The following SACS variants were observed in gnomAD, a reference collection of about 807,000 sequenced individuals.
SACS encodes the protein sacsin molecular chaperone, also known as sacsin.
SACS carries 197 observed loss-of-function variants against 348.0 expected under a neutral mutation model. The observed-to-expected ratio is 0.57, with a 90% CI of 0.50 to 0.64. The LOEUF (loss-of-function observed/expected upper bound fraction) is 0.64, where lower values mean the gene tolerates loss of function less well. Among genes scored for constraint, SACS ranks in the 30% least tolerant of loss-of-function variants. SACS has a pLI of 0.00. For synonymous variants in SACS, 1,985 were observed against 1,910.6 expected, an observed-to-expected ratio of 1.04 and a Z score of -1.02; for missense variants, 4,999 against 5,360.8, an observed-to-expected ratio of 0.93 and a Z score of 2.11.
chr13:23,395,541 G>T (rs575961876), intron 2 of SACS, among the ~76,000 whole-genome samples: 3 of 151,976 alleles, frequency 2.0e-5, no homozygotes, highest in African/African-American at 7.2e-5. Context: ...CCATCCACCT[G>T]TCCACTTCTG....
rs749017727 is a variant in SACS at position 23,333,415 on chromosome 13, A to T, written c.10461T>A (p.Asn3487Lys). The T allele has an allele frequency of 2.5e-6, 4 of 1,609,886 alleles. No homozygotes were observed. In the East Asian group the frequency reaches 8.9e-5, roughly 36 times the overall value. ...GCTCTAATTTTGCATCATAAGAGAG[A>T]TTTTCAATTTTTGGTAAGAGGTGTT... ...YLKHLLPKIE[N>K]LSYDAKLEHL... is the part of the protein sequence containing the mutation. The change falls in exon 10 of 10, where the codon AAT becomes AAA. Residue 3487 changes from asparagine to lysine, a missense_variant. Physicochemically the swap from Asn to Lys is moderately conservative, Grantham distance 94 (BLOSUM62 0). Coordinates refer to ENST00000382292, the MANE Select transcript of SACS (RefSeq NM_014363.6).
At chr13:23,397,165 G>C (rs778415493) in intron 2 of SACS, among the ~76,000 whole-genome samples, 1 of 152,056 alleles carries the variant, frequency 6.6e-6, no homozygotes, top group Non-Finnish European at 1.5e-5. Flanking sequence ...AAAAAGGTTG[G>C]TAATGGTTAA....
At position 23,330,400 on chromosome 13, in the gene SACS, C is replaced by T. The variant is rs370362235; in HGVS notation, c.13476G>A (p.Val4492=). The part of the protein sequence containing the change: ...KLALIAADYA[V]RGKSDKDVKP... ...TTACATCTTTATCAGACTTTCCCCT[C>T]ACAGCATAGTCAGCTGCAATCAAAG... The change falls in exon 10 of 10, where the codon GTG becomes GTA. Residue 4492 remains valine (V), a synonymous_variant. Transcript: ENST00000382292. 6.2e-7 allele frequency: 1 copy of T among 1,614,192 alleles called. No individual in the cohort carries two copies.
In SACS at chr13:23,331,961, C is replaced by T. The variant is rs138442606; in HGVS notation, c.11915G>A (p.Arg3972Gln). The change falls in exon 10 of 10, where the codon CGA (arginine) becomes CAA (glutamine). Residue 3972 changes from arginine (R) to glutamine (Q), a missense_variant. By Grantham distance (43) the Arg-to-Gln change is conservative. Coordinates refer to ENST00000382292, the MANE Select transcript of SACS (RefSeq NM_014363.6). ...IMLFPQKLRP[R>Q]LLSSILEEQL... ...TTCTTCAAGTATACTGCTCAATAAT[C>T]GAGGTCTAAGTTTTTGAGGAAAGAG... The T allele has an allele frequency of 1.9e-6, 3 of 1,613,918 alleles. No individual in the cohort carries two copies. The highest frequency in any genetic ancestry group is 2.7e-5 in the African/African-American group (2 of 74,910).
intron 4 of SACS, among the ~76,000 whole-genome samples, chr13:23,368,978 C>T (rs189954630): frequency 0.012 from 1,757 of 152,212 alleles, 66 homozygotes; most frequent in Admixed American, 0.079. Context: ...GGATTCCAGG[C>T]GTGAGCCACC....
At position 23,336,410 on chromosome 13, in the gene SACS, G is replaced by T. The variant is rs766553685; in HGVS notation, c.7466C>A (p.Pro2489His). 11 of 1,613,822 alleles carry T rather than the reference G, an allele frequency of 6.8e-6. No homozygotes were observed. The East Asian group carries it at 2.5e-4, about 36-fold the overall frequency. Residue 2489 changes from proline (P) to histidine (H), a missense_variant, in exon 10 of 10, where the codon CCC becomes CAC. Transcript: ENST00000382292. ...TTVKYCHADIPREVAVKLGAV... is the reference protein window; with the variant it reads ...TTVKYCHADIHREVAVKLGAV... ...TCCTAGTTTTACTGCTACTTCCCTG[G>T]GTATGTCAGCATGACAATATTTTAC...
chr13:23,370,614 T>A (rs1230879444), intron 4 of SACS, among the ~76,000 whole-genome samples: 2 of 152,240 alleles, frequency 1.3e-5, no homozygotes, highest in East Asian at 3.9e-4. Context: ...GACACCCCAT[T>A]TCTCCCTGCC....
At position 23,355,184 on chromosome 13, in the gene SACS, G is replaced by A. The variant is rs1870274256; in HGVS notation, c.1428C>T (p.Ser476=). 1 of 1,614,114 alleles carries A rather than the reference G, an allele frequency of 6.2e-7. No homozygotes were observed. Among genetic ancestry groups the A allele is most frequent in the African/African-American group, 1.3e-5 (1 of 75,010 alleles). ...ACTGGTCCAGCTCTCTCCATTTTAT[G>A]CTCCTGCGGTTATCAGTAAGGCCAA... ...GFFGLTDNRR[S]IKWRELDQWR... The change falls in exon 8 of 10, where the codon AGC becomes AGT. Residue 476 remains serine (S), a synonymous_variant. Coordinates refer to ENST00000382292, the MANE Select transcript of SACS (RefSeq NM_014363.6).
At chr13:23,375,039 C>T (rs1445598722) in intron 3 of SACS, 80 bp downstream of exon 3, 8 of 1,307,442 alleles carry the variant, frequency 6.1e-6, no homozygotes, top group Non-Finnish European at 7.8e-6. Context: ...CGGAAACCTG[C>T]GTCGCCCACC....
At chr13:23,372,629 C>T (rs1054835723) in intron 3 of SACS, among the ~76,000 whole-genome samples, 3 of 152,186 alleles carry the variant, frequency 2.0e-5, no homozygotes, top group Non-Finnish European at 2.9e-5. Context: ...CCCACCTCTC[C>T]GCTTCCTAGT....
rs1057516689 is a variant in SACS at position 23,336,736 on chromosome 13, AT to A, written c.7139del (p.Asn2380IlefsTer12). On this transcript the variant is annotated frameshift_variant, in exon 10 of 10. Transcript: ENST00000382292. LOFTEE classifies it high-confidence loss of function. ...CGGTTTCAAAAAGTTCGCGGAAATT[AT>A]TTTTATACTTATTAGGCAACTGATA... is the stretch of plus-strand genomic sequence containing the variant. ...YLYQLPNKYKNNFRELFETVG... is the reference protein window; with the variant it reads ...YLYQLPNKYKXNFRELFETVG... 2 of 1,613,760 alleles carry A rather than the reference AT, an allele frequency of 1.2e-6. No homozygotes were observed. Among genetic ancestry groups the A allele is most frequent in the Non-Finnish European group, 8.5e-7 (1 of 1,179,890 alleles).
chr13:23,377,771 G>A (rs765762464), intron 2 of SACS, among the ~76,000 whole-genome samples: 2 of 152,124 alleles, frequency 1.3e-5, no homozygotes, highest in African/African-American at 2.4e-5. Flanking sequence ...CCCGTCCAAC[G>A]CCTGGCCCAC....
chr13:23,329,826 A>T lies in SACS; in HGVS notation c.*310T>A, dbSNP rs1883352084. On this transcript the variant is annotated 3_prime_UTR_variant, in exon 10 of 10. Coordinates refer to ENST00000382292, the MANE Select transcript of SACS (RefSeq NM_014363.6). ...TTAACTTCATCCTAACCAGAGACAT[A>T]CATAGACTCTTATCTAACAAACTGC... The T allele has an allele frequency of 2.0e-6, 1 of 493,204 alleles. No homozygotes were observed. Among genetic ancestry groups the T allele is most frequent in the African/African-American group, 1.9e-5 (1 of 51,682 alleles). 30.6% of individuals were successfully genotyped at this position (493,204 alleles called of 1,614,324 possible). A position where few individuals can be genotyped will look rare whatever the true frequency, so the allele number is the denominator to read the frequency against.
chr13:23,390,114 C>G (rs948599220), intron 2 of SACS, among the ~76,000 whole-genome samples: 3 of 152,022 alleles, frequency 2.0e-5, no homozygotes, highest in Non-Finnish European at 4.4e-5. Context: ...ACCTATTTTA[C>G]TTGGTCTAGG....
chr13:23,411,120 G>A (rs1873462608), intron 2 of SACS, 100 bp downstream of exon 2: 1 of 968,390 alleles, frequency 1.0e-6, no homozygotes. Context: ...TACCTCTCGA[G>A]TGCTTTCATT....
At chr13:23,374,989 G>C (rs1566091521) in intron 3 of SACS, 130 bp downstream of exon 3, 3 of 916,910 alleles carry the variant, frequency 3.3e-6, no homozygotes, top group Admixed American at 8.7e-5. Flanking sequence ...CTCAGGACAA[G>C]CACAGGCGGC....
At chr13:23,388,333 CAAA>C (rs370915261) in intron 2 of SACS, among the ~76,000 whole-genome samples, 2 of 71,350 alleles carry the variant, frequency 2.8e-5, no homozygotes, top group Non-Finnish European at 5.4e-5. Context: ...GACTTTGTCT[CAAA>C]AAAAAAAAAA....
intron 1 of SACS, 117 bp from the exon 2 acceptor site, chr13:23,411,857 T>C (rs1463405780): frequency 6.5e-6 from 1 of 152,824 alleles, no homozygotes; most frequent in Non-Finnish European, 1.5e-5. Context: ...CCAGTGACTT[T>C]CTAATTATAC....
chr13:23,334,754 G>C lies in SACS; in HGVS notation c.9122C>G (p.Ala3041Gly), dbSNP rs371366559. 1 of 1,613,644 alleles carries C rather than the reference G, an allele frequency of 6.2e-7. No homozygotes were observed. ...TTTGCGTGTGGTGATATTATAATCT[G>C]CATTTTTAAGGTGTTGTAATTCATC... ...LQDELQHLKN[A>G]DYNITTRKTV... The change falls in exon 10 of 10, where the codon GCA (alanine) becomes GGA (glycine). Residue 3041 changes from alanine (A) to glycine (G), a missense_variant. By Grantham distance (60) the Ala-to-Gly change is moderately conservative (BLOSUM62 0). Around this residue, in one of 6 missense-constraint regions of SACS, gnomAD observed 734 missense variants for 694.0 expected, o/e 1.06. Coordinates refer to ENST00000382292, the MANE Select transcript of SACS (RefSeq NM_014363.6).
Sources: allele counts gnomAD v4.1 joint callset (sites outside exome capture counted in the v4.1 genomes callset), GRCh38; gene constraint gnomAD v4.1.1; regional missense constraint gnomAD v4.1.1; transcripts MANE v1.5; gene names NCBI Gene and HGNC (gene_info 2026-07-23, HGNC 2026-07-21).